RNFT2: variants seen among roughly 807,000 people sequenced by gnomAD.
RNFT2 encodes ring finger protein, transmembrane 2.
A neutral mutation model predicts 53.0 loss-of-function variants in RNFT2; 36 were observed. The ratio of observed to expected loss-of-function variants is 0.68; its 90% CI spans 0.52 to 0.90. RNFT2 has a LOEUF of 0.90. RNFT2 is among the 40% of genes least tolerant of loss of function. The pLI is 0.00. For synonymous variants in RNFT2, 260 were observed against 253.2 expected, an observed-to-expected ratio of 1.03 and a Z score of -0.26; for missense variants, 514 against 585.6, an observed-to-expected ratio of 0.88 and a Z score of 1.26.
intron 7 of RNFT2, among the ~76,000 whole-genome samples, chr12:116,825,696 T>C (rs1876289613): frequency 2.0e-5 from 3 of 152,224 alleles, no homozygotes; most frequent in Non-Finnish European, 4.4e-5. Context: ...GGGCCTTTTC[T>C]TTCCCCCAGA....
chr12:116,853,537 T>C lies in RNFT2; in HGVS notation c.*4089T>C, dbSNP rs1878024967. ...GGTAAATAAAGTGGGTCCTGGAATC[T>C]TTTAGGACTTCTGCTGTAGGACAAA... is the stretch of plus-strand genomic sequence containing the variant. On this transcript the variant is annotated 3_prime_UTR_variant, in exon 11 of 11. Coordinates refer to ENST00000257575, the MANE Select transcript of RNFT2 (RefSeq NM_001382266.1). The C allele has an allele frequency of 4.6e-6, 1 of 218,870 alleles. No individual in the cohort carries two copies. The highest frequency in any genetic ancestry group is 8.7e-5 in the East Asian group (1 of 11,432). 13.6% of individuals were successfully genotyped at this position (218,870 alleles called of 1,614,324 possible).
At chr12:116,780,962 T>A (rs1480169725) in intron 7 of RNFT2, among the ~76,000 whole-genome samples, 2 of 152,182 alleles carry the variant, frequency 1.3e-5, no homozygotes, top group African/African-American at 4.8e-5. Context: ...CCTAGTTTCC[T>A]CATCTGTCAA....
At chr12:116,760,964 C>T (rs758836217) in intron 5 of RNFT2, among the ~76,000 whole-genome samples, 10 of 151,474 alleles carry the variant, frequency 6.6e-5, no homozygotes, top group Non-Finnish European at 1.2e-4. Context: ...TTGTAGCCTC[C>T]AACTCCCGGA....
rs551011249 is a variant in RNFT2, at chr12:116,785,727, C to T, written c.882+6379C>T. On this transcript the variant is annotated intron_variant, in intron 7 of 10. Transcript: ENST00000257575. The stretch of plus-strand genomic sequence containing the variant: ...GAAGTTAGCTCAATCCTGCCCTGTG[C>T]CTTCTGGTTTATTTTCAGCAGACGA... 1.1e-4 allele frequency among the ~76,000 whole-genome samples: 16 copies of T among 152,258 alleles called. No individual in the cohort carries two copies. In the South Asian group the frequency reaches 3.1e-3, roughly 30 times the overall value.
intron 7 of RNFT2, among the ~76,000 whole-genome samples, chr12:116,781,422 T>C (rs1873692142): frequency 1.3e-5 from 2 of 152,170 alleles, no homozygotes; most frequent in Non-Finnish European, 2.9e-5. Flanking sequence ...CTGTGACAAA[T>C]TGCTACAAAC....
intron 10 of RNFT2, among the ~76,000 whole-genome samples, chr12:116,842,343 CAGG>C (rs1250743989): frequency 6.6e-6 from 1 of 152,020 alleles, no homozygotes; most frequent in East Asian, 1.9e-4. Context: ...CTATGAACAC[CAGG>C]AGAAGGGGAT....
In RNFT2 at chr12:116,749,980, A is replaced by T. The variant is rs1872099988; in HGVS notation, c.223A>T (p.Ser75Cys). The change falls in exon 4 of 11, where the codon AGC (serine) becomes TGC (cysteine). Residue 75 changes from serine (S) to cysteine (C), a missense_variant. This residue lies in a region of RNFT2 where 237 missense variants were observed against 235.1 expected (regional missense o/e 1.01). Transcript: ENST00000257575. Reference sequence around the variant, plus strand: ...CCTCCCCACCAGCTCGTTCCCCTCCAGCCTGGTGCTGGGCTCCTCGGCTGG... The same window carrying T: ...CCTCCCCACCAGCTCGTTCCCCTCCTGCCTGGTGCTGGGCTCCTCGGCTGG... The part of the protein sequence containing the change: ...GSLPTSSFPS[S>C]LVLGSSAGGG... The T allele has an allele frequency of 6.4e-7, 1 of 1,560,892 alleles. No individual in the cohort carries two copies. The highest frequency in any genetic ancestry group is 8.7e-7 in the Non-Finnish European group (1 of 1,152,362).
Position 116,815,368 on chromosome 12 carries a change from G to A in RNFT2, c.883-18424G>A, listed in dbSNP as rs151317531. 5.8e-3 allele frequency among the ~76,000 whole-genome samples: 876 copies of A among 152,280 alleles called. 11 individuals are homozygous for A. Among genetic ancestry groups the A allele is most frequent in the African/African-American group, 0.02 (836 of 41,560 alleles). On this transcript the variant is annotated intron_variant, in intron 7 of 10. Transcript: ENST00000257575. The stretch of plus-strand genomic sequence containing the variant: ...ACAACTGTATTATCTTACAGTTCTG[G>A]AGGTCAGATGTCCAAAATCTGTGTC...
At chr12:116,786,430 AG>A (rs1873939619) in intron 7 of RNFT2, among the ~76,000 whole-genome samples, 1 of 152,074 alleles carries the variant, frequency 6.6e-6, no homozygotes, top group Non-Finnish European at 1.5e-5. Flanking sequence ...TAGTTCTTAC[AG>A]TCATGCAGCT....
At chr12:116,741,658 G>T (rs929282695) in intron 3 of RNFT2, among the ~76,000 whole-genome samples, 8 of 152,110 alleles carry the variant, frequency 5.3e-5, no homozygotes, top group Non-Finnish European at 1.2e-4. Context: ...TACAGGTTAG[G>T]TTTCTTTTTT....
Position 116,750,256 on chromosome 12 carries a change from C to G in RNFT2, c.499C>G (p.Leu167Val), listed in dbSNP as rs1872127114. 6.2e-7 allele frequency: 1 copy of G among 1,607,442 alleles called. No individual in the cohort carries two copies. The highest frequency in any genetic ancestry group is 8.5e-7 in the Non-Finnish European group (1 of 1,179,608). Residue 167 changes from leucine (L) to valine (V), a missense_variant, in exon 4 of 11, where the codon CTC (leucine) becomes GTC (valine). By Grantham distance (32) the Leu-to-Val change is conservative. Coordinates refer to ENST00000257575, the MANE Select transcript of RNFT2 (RefSeq NM_001382266.1). ...KAVICWLQKG[L>V]PFILILLAKL... ...TGTGATCTGCTGGCTCCAGAAAGGA[C>G]TCCCCTTCATCCTGATCCTCCTGGC...
intron 6 of RNFT2, among the ~76,000 whole-genome samples, chr12:116,773,122 C>T (rs765947843): frequency 2.6e-5 from 4 of 152,262 alleles, no homozygotes; most frequent in Admixed American, 6.5e-5. Flanking sequence ...CCACCACGCC[C>T]GGCCAATTTT....
intron 7 of RNFT2, among the ~76,000 whole-genome samples, chr12:116,792,444 T>C (rs539473892): frequency 6.6e-6 from 1 of 152,180 alleles, no homozygotes; most frequent in East Asian, 1.9e-4. Flanking sequence ...CTCACTTCCT[T>C]CTCCTTGAAA....
Position 116,766,822 on chromosome 12 carries a change from G to A in RNFT2, c.636G>A (p.Arg212=). Residue 212 remains arginine (R), a synonymous_variant, in exon 6 of 11, where the codon AGG becomes AGA. Coordinates refer to ENST00000257575, the MANE Select transcript of RNFT2 (RefSeq NM_001382266.1). ...LREQVSLKEK[R]SVLVILWILA... is the part of the protein sequence containing the mutation. ...TCTTGCTTTGTCTTCAGGAGAAGAGGTCAGTGCTGGTCATCTTGTGGATCC... is the reference window on the plus strand; with the variant it reads ...TCTTGCTTTGTCTTCAGGAGAAGAGATCAGTGCTGGTCATCTTGTGGATCC... 1 of 1,591,976 alleles carries A rather than the reference G, an allele frequency of 6.3e-7. No homozygotes were observed. The highest frequency in any genetic ancestry group is 8.6e-7 in the Non-Finnish European group (1 of 1,168,456).
intron 7 of RNFT2, among the ~76,000 whole-genome samples, chr12:116,824,340 G>A (rs1246873669): frequency 1.3e-5 from 2 of 152,034 alleles, no homozygotes; most frequent in East Asian, 3.9e-4. Context: ...AATATTTCTT[G>A]GTCACCTACT....
intron 10 of RNFT2, among the ~76,000 whole-genome samples, chr12:116,839,266 A>T (rs1347559623): frequency 6.6e-6 from 1 of 152,218 alleles, no homozygotes; most frequent in African/African-American, 2.4e-5. Context: ...GTTTAGCAGC[A>T]GAGCCACAGT....
In RNFT2 at chr12:116,797,930, G is replaced by A. The variant is rs568064629; in HGVS notation, c.882+18582G>A. ...GGTGGTAACTCCTGGGTTTTGCCATGGCAATGGTAAACTAACATGGCATAC... is the reference window on the plus strand; with the variant it reads ...GGTGGTAACTCCTGGGTTTTGCCATAGCAATGGTAAACTAACATGGCATAC... On this transcript the variant is annotated intron_variant, in intron 7 of 10. Transcript: ENST00000257575. Among the ~76,000 whole-genome samples, 5 of 152,312 alleles carry A rather than the reference G, an allele frequency of 3.3e-5. No homozygotes were observed. In the East Asian group the frequency reaches 9.6e-4, roughly 29 times the overall value.
chr12:116,823,876 G>C (rs1876188133), intron 7 of RNFT2, among the ~76,000 whole-genome samples: 2 of 151,968 alleles, frequency 1.3e-5, no homozygotes, highest in Non-Finnish European at 2.9e-5. Flanking sequence ...AACAACCCTA[G>C]GAGCCAGGGG....
intron 7 of RNFT2, among the ~76,000 whole-genome samples, chr12:116,795,380 C>T (rs1241593310): frequency 6.6e-6 from 1 of 151,584 alleles, no homozygotes; most frequent in Non-Finnish European, 1.5e-5. Flanking sequence ...TGCACTCCAG[C>T]CTGGGCGGCA....
Sources: allele counts gnomAD v4.1 joint callset (sites outside exome capture counted in the v4.1 genomes callset), GRCh38; gene constraint gnomAD v4.1.1; regional missense constraint gnomAD v4.1.1; transcripts MANE v1.5; gene names NCBI Gene and HGNC (gene_info 2026-07-23, HGNC 2026-07-21).